ABHD2: variants seen among roughly 807,000 people sequenced by gnomAD.
The protein encoded by ABHD2 is monoacylglycerol lipase ABHD2.
ABHD2 carries 20 observed loss-of-function variants against 48.1 expected under a neutral mutation model. The ratio of observed to expected loss-of-function variants is 0.42; its 90% confidence interval spans 0.29 to 0.60. The LOEUF is 0.60. Among genes scored for constraint, ABHD2 ranks in the 20% least tolerant of loss-of-function variants. The pLI is 0.24. For synonymous variants in ABHD2, 209 were observed against 214.2 expected (o/e 0.98, Z 0.21); for missense variants, 405 against 550.9 (o/e 0.74, Z 2.65).
rs2051419742 is a variant in ABHD2, at chr15:89,197,183, CT to C, written c.*1761del. 1 of 152,644 alleles carries C rather than the reference CT, an allele frequency of 6.6e-6. No homozygotes were observed. The highest frequency in any genetic ancestry group is 1.5e-5 in the Non-Finnish European group (1 of 68,050). The allele number at this position is 152,644 out of a possible 1,614,324, so 9.5% of individuals were successfully genotyped here. Reference sequence around the variant, plus strand: ...GTCTGTAACCTGAAGAAGTTGTTTTCTGACAATCACCAAATCATCCGAATGA... The same window carrying C: ...GTCTGTAACCTGAAGAAGTTGTTTTCGACAATCACCAAATCATCCGAATGA... On this transcript the variant is annotated 3_prime_UTR_variant, in exon 11 of 11. Transcript: ENST00000352732. This position sits in a 1 kb window ranked among gnomAD's most constrained non-coding sequence, Gnocchi z 4.4.
intron 5 of ABHD2, among the ~76,000 whole-genome samples, chr15:89,160,525 G>C (rs1375971018): frequency 6.7e-6 from 1 of 149,766 alleles, no homozygotes; most frequent in African/African-American, 2.5e-5. Flanking sequence ...TTGAACCAAA[G>C]AATTATTGTG....
chr15:89,119,538 T>C (rs1430209187), intron 3 of ABHD2, among the ~76,000 whole-genome samples: 1 of 152,102 alleles, frequency 6.6e-6, no homozygotes, highest in African/African-American at 2.4e-5. Flanking sequence ...AACCTTAAGG[T>C]TGGATTCATT....
chr15:89,138,000 C>T lies in ABHD2; in HGVS notation c.195-13677C>T, dbSNP rs975815478. Among the ~76,000 whole-genome samples the T allele has an allele frequency of 5.9e-5, 9 of 152,152 alleles. No homozygotes were observed. The highest frequency in any genetic ancestry group is 1.2e-4 in the Non-Finnish European group (8 of 68,022). On this transcript the variant is annotated intron_variant, in intron 3 of 10. Coordinates refer to ENST00000352732, the MANE Select transcript of ABHD2 (RefSeq NM_152924.5). The surrounding 1 kb of genome is among the most constrained non-coding windows in gnomAD (Gnocchi z 4.8). ...GGTGAAGCCCAGTGGGATGGGCTCA[C>T]GAAGGACCTGCTGTTGACCTGCTGG...
At chr15:89,150,784 C>T (rs1468058938) in intron 3 of ABHD2, among the ~76,000 whole-genome samples, 3 of 152,178 alleles carry the variant, frequency 2.0e-5, no homozygotes, top group Admixed American at 6.5e-5. Flanking sequence ...TTATATTATA[C>T]GACTCCAGTT....
At chr15:89,126,776 G>A (rs2050136919) in intron 3 of ABHD2, among the ~76,000 whole-genome samples, 1 of 152,184 alleles carries the variant, frequency 6.6e-6, no homozygotes, top group South Asian at 2.1e-4. Context: ...TTTGTCTGAA[G>A]CAACAGTGAG....
intron 3 of ABHD2, among the ~76,000 whole-genome samples, chr15:89,134,038 C>T (rs1159582077): frequency 6.6e-6 from 1 of 152,078 alleles, no homozygotes; most frequent in African/African-American, 2.4e-5. Flanking sequence ...CGGGGTTTCA[C>T]CATGTTAGCC....
intron 3 of ABHD2, among the ~76,000 whole-genome samples, chr15:89,143,620 T>C (rs537157508): frequency 1.6e-4 from 24 of 151,644 alleles, no homozygotes; most frequent in African/African-American, 5.1e-4. Flanking sequence ...TGAGCCGAAA[T>C]TGCACCGAGC....
At chr15:89,165,455 C>T (rs2050823908) in intron 5 of ABHD2, among the ~76,000 whole-genome samples, 1 of 152,008 alleles carries the variant, frequency 6.6e-6, no homozygotes, top group Non-Finnish European at 1.5e-5. Flanking sequence ...ACCAAACTGT[C>T]TTAAATTTCT....
In ABHD2 at chr15:89,173,062, G is replaced by A. The variant is rs1052226036; in HGVS notation, c.539-2750G>A. Among the ~76,000 whole-genome samples, 3 of 152,220 alleles carry A rather than the reference G, an allele frequency of 2.0e-5. No individual in the cohort carries two copies. Among genetic ancestry groups the A allele is most frequent in the African/African-American group, 7.2e-5 (3 of 41,456 alleles). ...GGCCAGGCTGCTCCTTTAAGGCCTG[G>A]TTTTCAGTGCCTGTTATGGCCCAAG... On this transcript the variant is annotated intron_variant, in intron 5 of 10. Transcript: ENST00000352732. The surrounding 1 kb of genome is among the most constrained non-coding windows in gnomAD (Gnocchi z 6.5).
Position 89,183,081 on chromosome 15 carries a change from T to A in ABHD2, c.723-2343T>A, listed in dbSNP as rs1454645212. Among the ~76,000 whole-genome samples the A allele has an allele frequency of 2.6e-5, 4 of 152,126 alleles. No homozygotes were observed. In the East Asian group the frequency reaches 7.7e-4, roughly 29 times the overall value. On this transcript the variant is annotated intron_variant, in intron 6 of 10. Transcript: ENST00000352732. ...GTAGCTCTAAAAGACTCTAAGGACT[T>A]TTTCTTAAACATAACCACAAATACC... is the stretch of plus-strand genomic sequence containing the variant.
upstream of ABHD2, among the ~76,000 whole-genome samples, chr15:89,083,762 G>A (rs932838863): frequency 6.6e-6 from 1 of 152,134 alleles, no homozygotes; most frequent in Non-Finnish European, 1.5e-5. This position sits in a 1 kb window ranked among gnomAD's most constrained non-coding sequence, Gnocchi z 5.1. Flanking sequence ...GTTTTCACTG[G>A]CCACCAGAAA....
At position 89,102,200 on chromosome 15, in the gene ABHD2, T is replaced by C. The variant is rs2049712132; in HGVS notation, c.-106-11525T>C. 6.6e-6 allele frequency among the ~76,000 whole-genome samples: 1 copy of C among 152,206 alleles called. No individual in the cohort carries two copies. Among genetic ancestry groups the C allele is most frequent in the African/African-American group, 2.4e-5 (1 of 41,462 alleles). On this transcript the variant is annotated intron_variant, in intron 1 of 10. Coordinates refer to ENST00000352732, the MANE Select transcript of ABHD2 (RefSeq NM_152924.5). The surrounding 1 kb of genome is among the most constrained non-coding windows in gnomAD (Gnocchi z 4.8). ...GCATCCACCCCTCCTTCTCACCTTC[T>C]CTTCTATTCCATCTCTTCCAGTGGT...
At chr15:89,050,810 G>C in the ABHD2 span, among the ~76,000 whole-genome samples, 1 of 152,198 alleles carries the variant, frequency 6.6e-6, no homozygotes, top group South Asian at 2.1e-4. Flanking sequence ...GGGAAAACAT[G>C]CACAAGTGGC....
chr15:89,149,062 C>A (rs1439960261), intron 3 of ABHD2, among the ~76,000 whole-genome samples: 1 of 152,076 alleles, frequency 6.6e-6, no homozygotes, highest in Non-Finnish European at 1.5e-5. Flanking sequence ...ATTTTGTAAA[C>A]CCTGGTGTTG....
chr15:89,098,155 C>T (rs1271357988), intron 1 of ABHD2, among the ~76,000 whole-genome samples: 1 of 152,182 alleles, frequency 6.6e-6, no homozygotes. Context: ...GCTGGGATTA[C>T]AGATGTGCGC....
the ABHD2 span, among the ~76,000 whole-genome samples, chr15:89,080,562 C>T: frequency 6.6e-6 from 1 of 152,138 alleles, no homozygotes. Flanking sequence ...AAGACAGGAG[C>T]AATTCATGCC....
Position 89,195,511 on chromosome 15 carries a change from T to A in ABHD2, c.*88T>A. 1 of 1,428,146 alleles carries A rather than the reference T, an allele frequency of 7.0e-7. No individual in the cohort carries two copies. Among genetic ancestry groups the A allele is most frequent in the Non-Finnish European group, 9.4e-7 (1 of 1,061,750 alleles). The allele number at this position is 1,428,146 out of a possible 1,614,324, so 88.5% of individuals were successfully genotyped here. On this transcript the variant is annotated 3_prime_UTR_variant, in exon 11 of 11. Coordinates refer to ENST00000352732, the MANE Select transcript of ABHD2 (RefSeq NM_152924.5). The surrounding 1 kb of genome is among the most constrained non-coding windows in gnomAD (Gnocchi z 5.1). ...GTTTCAGGTCTCCCATCTCCCTCAG[T>A]GACCTGGATCTGACCTCACACCATC...
chr15:89,149,214 A>AACACACACACAC lies in ABHD2; in HGVS notation c.195-2446_195-2435dup, dbSNP rs35689320. On this transcript the variant is annotated intron_variant, in intron 3 of 10. Transcript: ENST00000352732. ...AGTGATTGTGAGGCAATTGATCCCT[A>AACACACACACAC]ACACACACACACACACACACACACA... is the stretch of plus-strand genomic sequence containing the variant. 5.4e-3 allele frequency among the ~76,000 whole-genome samples: 797 copies of AACACACACACAC among 148,316 alleles called. 4 individuals are homozygous for AACACACACACAC. Among genetic ancestry groups the AACACACACACAC allele is most frequent in the African/African-American group, 0.019 (748 of 40,386 alleles).
In ABHD2 at chr15:89,100,574, A is replaced by G. The variant is rs111630532; in HGVS notation, c.-107+12011A>G. The stretch of plus-strand genomic sequence containing the variant: ...TTTTTCCATTCTCCTTAGATGTTAA[A>G]AAGGAACCTTATTGGCCAGGCAAAG... On this transcript the variant is annotated intron_variant, in intron 1 of 10. Transcript: ENST00000352732. The surrounding 1 kb of genome is among the most constrained non-coding windows in gnomAD (Gnocchi z 4.4). Among the ~76,000 whole-genome samples, 747 of 152,326 alleles carry G rather than the reference A, an allele frequency of 4.9e-3. 6 individuals carry two copies. The highest frequency in any genetic ancestry group is 0.017 in the African/African-American group (710 of 41,574).
Sources: gnomAD v4.1 joint callset for allele counts (sites outside exome capture counted in the v4.1 genomes callset) on GRCh38, gnomAD v4.1.1 for gene constraint, Gnocchi (gnomAD v3.1) non-coding constraint, MANE v1.5 for transcripts, NCBI Gene and HGNC (gene_info 2026-07-23, HGNC 2026-07-21) for gene names.